BASP1: variants seen among roughly 807,000 people sequenced by gnomAD.
The protein encoded by BASP1 is brain abundant membrane attached signal protein 1.
A neutral mutation model predicts 2.2 loss-of-function variants in BASP1; 1 was observed. The ratio of observed to expected loss-of-function variants is 0.46; its 90% confidence interval spans 0.16 to 2.17. BASP1 has a LOEUF of 2.17. BASP1 is among the 30% of genes most tolerant of loss of function. The pLI is 0.27. For missense variants in BASP1, 352 were observed against 327.2 expected, an observed-to-expected ratio of 1.08 and a Z score of -0.58; for synonymous variants, 187 against 154.2, an observed-to-expected ratio of 1.21 and a Z score of -1.58.
At chr5:17,237,098 C>A (rs1446626444) in intron 1 of BASP1, among the ~76,000 whole-genome samples, 1 of 152,104 alleles carries the variant, frequency 6.6e-6, no homozygotes, top group African/African-American at 2.4e-5. Context: ...GTAATTGCAG[C>A]ACTTTGGGAG....
At chr5:17,255,441 A>C (rs146083795) in intron 1 of BASP1, among the ~76,000 whole-genome samples, 73 of 152,270 alleles carry the variant, frequency 4.8e-4, no homozygotes, top group African/African-American at 1.7e-3. Flanking sequence ...ATAGTTTACT[A>C]TTACTTTCCA....
intron 1 of BASP1, among the ~76,000 whole-genome samples, chr5:17,246,152 A>C (rs1387805584): frequency 6.6e-6 from 1 of 152,138 alleles, no homozygotes; most frequent in Non-Finnish European, 1.5e-5. Flanking sequence ...TTTAAAGGAC[A>C]GTTGAGACTC....
chr5:17,227,399 T>C lies in BASP1; in HGVS notation c.-10+9589T>C, dbSNP rs979568878. Among the ~76,000 whole-genome samples the C allele has an allele frequency of 4.0e-5, 6 of 148,828 alleles. No individual in the cohort carries two copies. In the South Asian group the frequency reaches 1.3e-3, roughly 32 times the overall value. ...CAAGCTTGACTAATTTTTATATATA[T>C]ATATATATACAATATTTTTTTTGAC... On this transcript the variant is annotated intron_variant, in intron 1 of 1. Coordinates refer to ENST00000322611, the MANE Select transcript of BASP1 (RefSeq NM_006317.5).
At chr5:17,224,789 C>T (rs1378479208) in intron 1 of BASP1, among the ~76,000 whole-genome samples, 1 of 152,186 alleles carries the variant, frequency 6.6e-6, no homozygotes, top group East Asian at 1.9e-4. Flanking sequence ...GTCATAACCC[C>T]AAATGTCTTA....
chr5:17,223,846 G>A (rs1739437361), intron 1 of BASP1, among the ~76,000 whole-genome samples: 1 of 152,144 alleles, frequency 6.6e-6, no homozygotes, highest in African/African-American at 2.4e-5. Flanking sequence ...TAGTACTAAG[G>A]TTGATAAGCC....
At chr5:17,262,314 G>T (rs1740329796) in intron 1 of BASP1, among the ~76,000 whole-genome samples, 1 of 152,134 alleles carries the variant, frequency 6.6e-6, no homozygotes, top group African/African-American at 2.4e-5. Flanking sequence ...ATCCTCATCT[G>T]TAGAAAGCTT....
chr5:17,263,554 G>A (rs1242523128), intron 1 of BASP1, among the ~76,000 whole-genome samples: 4 of 152,240 alleles, frequency 2.6e-5, no homozygotes, highest in South Asian at 4.1e-4. Context: ...CCCTGTGCCA[G>A]TGCATCTGTA....
chr5:17,253,748 C>T (rs1232694357), intron 1 of BASP1, among the ~76,000 whole-genome samples: 1 of 152,154 alleles, frequency 6.6e-6, no homozygotes, highest in African/African-American at 2.4e-5. Flanking sequence ...TGACCACCAT[C>T]TGTGTGCATC....
intron 1 of BASP1, among the ~76,000 whole-genome samples, chr5:17,218,748 C>T (rs1293216410): frequency 6.6e-6 from 1 of 150,762 alleles, no homozygotes. Context: ...CCCCCGCCCC[C>T]GTCCCCCCTC....
chr5:17,267,519 CTT>C (rs530466809), intron 1 of BASP1, among the ~76,000 whole-genome samples: 2 of 144,346 alleles, frequency 1.4e-5, no homozygotes, highest in Non-Finnish European at 1.5e-5. Flanking sequence ...TTTTTTTTTG[CTT>C]TTTTTTTTTG....
At chr5:17,274,587 TG>T (rs1579505888) in intron 1 of BASP1, among the ~76,000 whole-genome samples, 1 of 152,336 alleles carries the variant, frequency 6.6e-6, no homozygotes, top group African/African-American at 2.4e-5. Context: ...GCTTGGTGTT[TG>T]CATCAGACAT....
Position 17,271,579 on chromosome 5 carries a change from A to G in BASP1, c.-9-3629A>G, listed in dbSNP as rs977820630. On this transcript the variant is annotated intron_variant, in intron 1 of 1. Transcript: ENST00000322611. ...GCTACAAAATTCTAGTGAATTTCCT[A>G]GTTGTGGAGAAATGCAAAGTCAGTC... 2.6e-5 allele frequency among the ~76,000 whole-genome samples: 4 copies of G among 152,270 alleles called. No individual in the cohort carries two copies. The South Asian group carries it at 8.3e-4, about 32-fold the overall frequency.
intron 1 of BASP1, among the ~76,000 whole-genome samples, chr5:17,274,359 A>G (rs1740585723): frequency 6.6e-6 from 1 of 152,156 alleles, no homozygotes; most frequent in Non-Finnish European, 1.5e-5. Context: ...AATCCTGTTT[A>G]CCTTACGTGT....
At chr5:17,273,266 T>C (rs1359575156) in intron 1 of BASP1, among the ~76,000 whole-genome samples, 2 of 152,220 alleles carry the variant, frequency 1.3e-5, no homozygotes, top group Admixed American at 6.5e-5. Context: ...TGATTGCTTA[T>C]AGGATGAAAG....
chr5:17,272,425 T>C (rs920621705), intron 1 of BASP1, among the ~76,000 whole-genome samples: 2 of 152,158 alleles, frequency 1.3e-5, no homozygotes, highest in African/African-American at 2.4e-5. Context: ...ACTCAGCTAG[T>C]AGGATTTCCT....
chr5:17,217,069 A>AGAGT (rs1554025502), upstream of BASP1: 1,136 of 119,862 alleles, frequency 9.5e-3, 10 homozygotes, highest in Middle Eastern at 0.042. Context: ...AGAGAGAGAG[A>AGAGT]GTGAGAGAGA....
At position 17,275,414 on chromosome 5, in the gene BASP1, C is replaced by T. The variant is rs367590306; in HGVS notation, c.198C>T (p.Ala66=). 4.5e-6 allele frequency: 7 copies of T among 1,558,486 alleles called. No homozygotes were observed. Among genetic ancestry groups the T allele is most frequent in the Non-Finnish European group, 6.1e-6 (7 of 1,154,314 alleles). ...CCGACCAGGACGCCGAGGGCAAGGC[C>T]GAGGAGAAGGAGGGCGAGAAGGACG... is the stretch of plus-strand genomic sequence containing the variant. The part of the protein sequence containing the change: ...EKPDQDAEGK[A]EEKEGEKDAA... The change falls in exon 2 of 2, where the codon GCC becomes GCT. Residue 66 remains alanine (A), a synonymous_variant. Transcript: ENST00000322611. This position sits in a 1 kb window ranked among gnomAD's most constrained non-coding sequence, Gnocchi z 5.3.
At chr5:17,271,965 G>T (rs1188297530) in intron 1 of BASP1, among the ~76,000 whole-genome samples, 1 of 151,800 alleles carries the variant, frequency 6.6e-6, no homozygotes, top group Admixed American at 6.6e-5. Context: ...TACTCGGGAG[G>T]CTGGGCAGGA....
chr5:17,242,579 G>A (rs181150780), intron 1 of BASP1, among the ~76,000 whole-genome samples: 2 of 152,118 alleles, frequency 1.3e-5, no homozygotes, highest in African/African-American at 4.8e-5. Context: ...ATAATGACAC[G>A]TATCTCCAAT....
Sources: allele counts gnomAD v4.1 joint callset (sites outside exome capture counted in the v4.1 genomes callset), GRCh38; gene constraint gnomAD v4.1.1; non-coding constraint Gnocchi (gnomAD v3.1); transcripts MANE v1.5; gene names NCBI Gene and HGNC (gene_info 2026-07-23, HGNC 2026-07-21).